The following GRIN2A variants were observed in gnomAD, a reference collection of about 807,000 sequenced individuals.
GRIN2A encodes the protein glutamate receptor ionotropic, NMDA 2A.
In GRIN2A, 22 loss-of-function variants were observed where a neutral mutation model predicts 113.4. The ratio of observed to expected loss-of-function variants is 0.19; its 90% CI spans 0.14 to 0.28. GRIN2A has a LOEUF of 0.28. GRIN2A is among the 10% of genes least tolerant of loss of function. The pLI is 1.00. For missense variants in GRIN2A, 1,502 were observed against 1,887.0 expected (o/e 0.80, Z 3.78); for synonymous variants, 827 against 738.4 (o/e 1.12, Z -1.94).
intron 2 of GRIN2A, among the ~76,000 whole-genome samples, chr16:10,172,024 T>C (rs2050052706): frequency 6.6e-6 from 1 of 152,336 alleles, no homozygotes; most frequent in African/African-American, 2.4e-5. Context: ...AAAGCAGCCA[T>C]GAGTCTACCA....
chr16:9,993,036 C>A (rs888047160), intron 2 of GRIN2A, among the ~76,000 whole-genome samples: 2 of 150,384 alleles, frequency 1.3e-5, no homozygotes, highest in African/African-American at 5.0e-5. Flanking sequence ...GCAAACATGG[C>A]AAAACCTCAT....
chr16:10,009,422 CA>C (rs2046462563), intron 2 of GRIN2A, among the ~76,000 whole-genome samples: 1 of 152,100 alleles, frequency 6.6e-6, no homozygotes, highest in South Asian at 2.1e-4. Flanking sequence ...TTTTTCAATG[CA>C]AAAGTAGGCA....
At chr16:9,792,379 T>C (rs1482579125) in intron 11 of GRIN2A, among the ~76,000 whole-genome samples, 1 of 152,128 alleles carries the variant, frequency 6.6e-6, no homozygotes, top group African/African-American at 2.4e-5. Flanking sequence ...TGTACCACCA[T>C]GCCCAGTAAT....
intron 10 of GRIN2A, among the ~76,000 whole-genome samples, chr16:9,813,251 T>C (rs1047244133): frequency 1.3e-5 from 2 of 152,198 alleles, no homozygotes; most frequent in Non-Finnish European, 2.9e-5. Flanking sequence ...ACAACAGAAC[T>C]GTCTACTTTA....
chr16:9,953,622 C>A (rs2045234026), intron 2 of GRIN2A, among the ~76,000 whole-genome samples: 1 of 151,928 alleles, frequency 6.6e-6, no homozygotes, highest in African/African-American at 2.4e-5. Context: ...TGCATGGCAT[C>A]CCCTAACAAA....
intron 11 of GRIN2A, among the ~76,000 whole-genome samples, chr16:9,793,382 C>T (rs1204939865): frequency 1.3e-5 from 2 of 152,026 alleles, no homozygotes; most frequent in Non-Finnish European, 2.9e-5. Context: ...TTCTTCAAAC[C>T]CCACAATCAT....
intron 10 of GRIN2A, among the ~76,000 whole-genome samples, chr16:9,815,279 A>G (rs1389263683): frequency 6.6e-6 from 1 of 152,066 alleles, no homozygotes; most frequent in Non-Finnish European, 1.5e-5. Context: ...ATGTGCATCA[A>G]AAGACACTAT....
chr16:10,037,742 C>T (rs148731827), intron 2 of GRIN2A, among the ~76,000 whole-genome samples: 217 of 152,294 alleles, frequency 1.4e-3, no homozygotes, highest in Admixed American at 2.7e-3. Context: ...CCTCCCACCT[C>T]AGCCTCCTGA....
At chr16:9,944,398 ACTACTCC>A (rs2044965804) in intron 2 of GRIN2A, among the ~76,000 whole-genome samples, 1 of 152,106 alleles carries the variant, frequency 6.6e-6, no homozygotes, top group East Asian at 1.9e-4. Context: ...CTGGAAAACA[ACTACTCC>A]ACCACCACCC....
chr16:10,158,751 G>A (rs1246932974), intron 2 of GRIN2A, among the ~76,000 whole-genome samples: 1 of 152,158 alleles, frequency 6.6e-6, no homozygotes, highest in African/African-American at 2.4e-5. Context: ...AGGTTTCCAG[G>A]AGCTGGAGGG....
intron 2 of GRIN2A, among the ~76,000 whole-genome samples, chr16:10,080,311 C>A (rs2047954028): frequency 6.6e-6 from 1 of 152,152 alleles, no homozygotes; most frequent in South Asian, 2.1e-4. Context: ...TTTAAGCCAC[C>A]AAAAGGCACC....
chr16:9,856,599 T>C (rs1302612844), intron 4 of GRIN2A, among the ~76,000 whole-genome samples: 1 of 136,940 alleles, frequency 7.3e-6, no homozygotes, highest in Non-Finnish European at 1.5e-5. Context: ...CACTCCAGCC[T>C]GGGTGACAGA....
chr16:10,100,088 G>C (rs1181503106), intron 2 of GRIN2A, among the ~76,000 whole-genome samples: 3 of 152,194 alleles, frequency 2.0e-5, no homozygotes, highest in South Asian at 2.1e-4. Flanking sequence ...ACAGGTGAAG[G>C]GGGGACATGA....
At chr16:9,919,788 C>T (rs2044324401) in intron 3 of GRIN2A, among the ~76,000 whole-genome samples, 1 of 152,214 alleles carries the variant, frequency 6.6e-6, no homozygotes, top group Non-Finnish European at 1.5e-5. Flanking sequence ...AATGCATGCT[C>T]CTCTGGCTCC....
intron 2 of GRIN2A, among the ~76,000 whole-genome samples, chr16:10,126,892 T>G (rs553023357): frequency 6.6e-6 from 1 of 152,316 alleles, no homozygotes; most frequent in African/African-American, 2.4e-5. Flanking sequence ...CAGTCTACAC[T>G]TTTTACCAGC....
At chr16:10,107,762 G>T (rs1487558594) in intron 2 of GRIN2A, among the ~76,000 whole-genome samples, 1 of 152,206 alleles carries the variant, frequency 6.6e-6, no homozygotes, top group East Asian at 1.9e-4. Flanking sequence ...GCCCTGCTGA[G>T]CTTCAGGACA....
chr16:10,121,950 A>T (rs550996854), intron 2 of GRIN2A, among the ~76,000 whole-genome samples: 1 of 152,200 alleles, frequency 6.6e-6, no homozygotes, highest in Non-Finnish European at 1.5e-5. Flanking sequence ...AACAAGAGAG[A>T]AGCATGGTCT....
chr16:9,768,751 G>T, intron 12 of GRIN2A, 100 bp downstream of exon 12: 1 of 831,030 alleles, frequency 1.2e-6, no homozygotes, highest in South Asian at 1.3e-5. Context: ...AAGAAAGGCT[G>T]GTAAGGGGAG....
At position 10,055,105 on chromosome 16, in the gene GRIN2A, GAAAAAAGA is replaced by G. The variant is rs2047433432; in HGVS notation, c.415-116562_415-116555del. Among the ~76,000 whole-genome samples the G allele has an allele frequency of 9.1e-5, 3 of 32,936 alleles. 1 individual carries two copies. The highest frequency in any genetic ancestry group is 1.7e-4 in the Non-Finnish European group (3 of 18,150). 21.6% of individuals were successfully genotyped at this position (32,936 alleles called of 152,430 possible). A position where few individuals can be genotyped will look rare whatever the true frequency, so the allele number is the denominator to read the frequency against. ...AAAAAAGAAAAAAGAAAGAAAGAAA[GAAAAAAGA>G]AAAAAAAAACAGTAGTTGGAAAAAT... On this transcript the variant is annotated intron_variant, in intron 2 of 12. Coordinates refer to ENST00000330684, the MANE Select transcript of GRIN2A (RefSeq NM_001134407.3).
Sources: allele counts gnomAD v4.1 joint callset (sites outside exome capture counted in the v4.1 genomes callset), GRCh38; gene constraint gnomAD v4.1.1; transcripts MANE v1.5; gene names NCBI Gene and HGNC (gene_info 2026-07-23, HGNC 2026-07-21).